Variants in RTN1 observed in about 807,000 individuals in gnomAD.
RTN1 encodes reticulon-1.
A neutral mutation model predicts 65.5 loss-of-function variants in RTN1; 25 were observed. The ratio of observed to expected loss-of-function variants is 0.38; its 90% CI spans 0.28 to 0.53. The LOEUF is 0.53. RTN1 is among the 20% of genes least tolerant of loss of function. RTN1 has a pLI of 0.79. For synonymous variants in RTN1, 471 were observed against 447.6 expected (o/e 1.05, Z -0.66); for missense variants, 983 against 1,025.4 (o/e 0.96, Z 0.57).
At chr14:59,672,071 G>A (rs894319176) in intron 3 of RTN1, among the ~76,000 whole-genome samples, 1 of 152,126 alleles carries the variant, frequency 6.6e-6, no homozygotes, top group Non-Finnish European at 1.5e-5. Context: ...CTTCTCTCTT[G>A]GCTTTAGGAT....
intron 3 of RTN1, among the ~76,000 whole-genome samples, chr14:59,664,941 T>C (rs1044139287): frequency 6.6e-6 from 1 of 152,184 alleles, no homozygotes; most frequent in Non-Finnish European, 1.5e-5. Context: ...CTGTACAACT[T>C]TATATTCCCA....
rs558681375 is a variant in RTN1 at position 59,787,988 on chromosome 14, T to A, written c.242-41507A>T. Among the ~76,000 whole-genome samples the A allele has an allele frequency of 5.9e-5, 9 of 152,328 alleles. No individual in the cohort carries two copies. In the East Asian group the frequency reaches 1.7e-3, roughly 29 times the overall value. On this transcript the variant is annotated intron_variant, in intron 1 of 8. Coordinates refer to ENST00000267484, the MANE Select transcript of RTN1 (RefSeq NM_021136.3). Reference sequence around the variant, plus strand: ...TGATAAGGGATTGCACTAGATGGGATCTTTCTTACCCTTTTCCCCAATAAA... The same window carrying A: ...TGATAAGGGATTGCACTAGATGGGAACTTTCTTACCCTTTTCCCCAATAAA...
At chr14:59,688,471 C>T (rs1254371280) in intron 3 of RTN1, among the ~76,000 whole-genome samples, 1 of 152,208 alleles carries the variant, frequency 6.6e-6, no homozygotes, top group Non-Finnish European at 1.5e-5. Flanking sequence ...CACCCATTTG[C>T]CACCTGTCCC....
chr14:59,615,247 C>T (rs755714196), intron 3 of RTN1, among the ~76,000 whole-genome samples: 64 of 151,996 alleles, frequency 4.2e-4, no homozygotes, highest in Admixed American at 1.0e-3. Context: ...GTCAGGAGTT[C>T]GAGACCAGCC....
chr14:59,761,750 G>A (rs1885752585), intron 1 of RTN1, among the ~76,000 whole-genome samples: 1 of 152,170 alleles, frequency 6.6e-6, no homozygotes, highest in Non-Finnish European at 1.5e-5. Context: ...TAGAGGTACA[G>A]CCAGCCCATA....
chr14:59,603,749 G>T lies in RTN1; in HGVS notation c.2182+103C>A. On this transcript the variant is annotated intron_variant, in intron 6 of 8. Transcript: ENST00000267484. The stretch of plus-strand genomic sequence containing the variant: ...CTGCACTCAGGGATATCTGGCATTT[G>T]TTCCTAGGAATCTCTTTAAACAAAC... 6.2e-6 allele frequency: 5 copies of T among 808,470 alleles called. No homozygotes were observed. The Admixed American group carries it at 8.6e-5, about 14-fold the overall frequency. 50.1% of individuals were successfully genotyped at this position (808,470 alleles called of 1,614,324 possible).
chr14:59,682,808 T>C (rs898626432), intron 3 of RTN1, among the ~76,000 whole-genome samples: 4 of 152,198 alleles, frequency 2.6e-5, no homozygotes, highest in African/African-American at 7.2e-5. Flanking sequence ...AAGTGACTAA[T>C]CATAGGGAAT....
chr14:59,642,958 T>A (rs562610130), intron 3 of RTN1, among the ~76,000 whole-genome samples: 16 of 152,372 alleles, frequency 1.1e-4, no homozygotes, highest in Admixed American at 9.8e-4. Flanking sequence ...AAGTAGCAAC[T>A]GAGGAATTGA....
intron 3 of RTN1, among the ~76,000 whole-genome samples, chr14:59,676,636 A>G (rs1883633959): frequency 6.7e-6 from 1 of 149,806 alleles, no homozygotes; most frequent in African/African-American, 2.4e-5. Context: ...GGAAGTAAAA[A>G]GAAGCAAAGA....
At chr14:59,799,002 C>A (rs111568453) in intron 1 of RTN1, among the ~76,000 whole-genome samples, 3,289 of 152,224 alleles carry the variant, frequency 0.022, 109 homozygotes, top group African/African-American at 0.074. Context: ...ATTTTTCAAG[C>A]AATCATGTCT....
intron 2 of RTN1, among the ~76,000 whole-genome samples, chr14:59,731,755 T>C (rs1315261079): frequency 6.6e-6 from 1 of 152,184 alleles, no homozygotes; most frequent in Non-Finnish European, 1.5e-5. Flanking sequence ...CACTCCTCCT[T>C]TGGTGTCTGC....
At chr14:59,685,718 ATTG>A (rs1883833078) in intron 3 of RTN1, among the ~76,000 whole-genome samples, 1 of 152,342 alleles carries the variant, frequency 6.6e-6, no homozygotes, top group South Asian at 2.1e-4. Flanking sequence ...AAGAATTAAT[ATTG>A]TTAACATGTC....
intron 1 of RTN1, among the ~76,000 whole-genome samples, chr14:59,865,040 G>A (rs925419130): frequency 2.6e-5 from 4 of 151,998 alleles, no homozygotes; most frequent in Non-Finnish European, 5.9e-5. Context: ...GACATAGGAA[G>A]GGCTACATAC....
At chr14:59,740,865 G>A (rs1219118972) in intron 2 of RTN1, among the ~76,000 whole-genome samples, 1 of 152,146 alleles carries the variant, frequency 6.6e-6, no homozygotes, top group African/African-American at 2.4e-5. Flanking sequence ...TACGTATCAA[G>A]ACTGACACTG....
chr14:59,670,792 C>A (rs750899695), intron 3 of RTN1, among the ~76,000 whole-genome samples: 34 of 152,156 alleles, frequency 2.2e-4, no homozygotes, highest in Non-Finnish European at 4.0e-4. Flanking sequence ...ATCCAGGTGT[C>A]ATGATGGCTA....
intron 1 of RTN1, among the ~76,000 whole-genome samples, chr14:59,754,044 T>C (rs1355953668): frequency 6.6e-6 from 1 of 152,158 alleles, no homozygotes; most frequent in East Asian, 1.9e-4. Context: ...CCTGGATGCA[T>C]TTAAAATGGC....
chr14:59,744,679 G>A (rs1197877071), intron 2 of RTN1, among the ~76,000 whole-genome samples: 2 of 152,074 alleles, frequency 1.3e-5, no homozygotes, highest in African/African-American at 4.8e-5. Context: ...AAAGGGGAAG[G>A]GAGGAGTTTG....
At chr14:59,822,181 T>C (rs913137190) in intron 1 of RTN1, among the ~76,000 whole-genome samples, 1 of 152,224 alleles carries the variant, frequency 6.6e-6, no homozygotes, top group South Asian at 2.1e-4. Context: ...GTTGATTCAG[T>C]TTTGAAACTT....
intron 1 of RTN1, among the ~76,000 whole-genome samples, chr14:59,812,460 G>A (rs1278738661): frequency 6.6e-6 from 1 of 152,182 alleles, no homozygotes. Context: ...GTTGCAGCTT[G>A]TAGGTTATTA....
Sources: allele counts gnomAD v4.1 joint callset (sites outside exome capture counted in the v4.1 genomes callset), GRCh38; gene constraint gnomAD v4.1.1; transcripts MANE v1.5; gene names NCBI Gene and HGNC (gene_info 2026-07-23, HGNC 2026-07-21).